The following PIWIL4 variants were observed in gnomAD, a reference collection of about 807,000 sequenced individuals.
PIWIL4 encodes piwi like RNA-mediated gene silencing 4, also known as piwi-like protein 4.
In PIWIL4, 50 loss-of-function variants were observed where a neutral mutation model predicts 100.9. That is an observed-to-expected ratio of 0.50 (90% CI 0.39 to 0.63). The LOEUF is 0.63. Ranked by LOEUF, PIWIL4 falls within the 20% of genes least tolerant of loss-of-function variation. The pLI, the probability that PIWIL4 is intolerant of heterozygous loss-of-function variation, is 0.00. For missense variants in PIWIL4, 887 were observed against 1,043.3 expected (o/e 0.85, Z 2.06); for synonymous variants, 342 against 367.5 (o/e 0.93, Z 0.79).
intron 11 of PIWIL4, among the ~76,000 whole-genome samples, chr11:94,600,155 GT>G (rs1397943763): frequency 3.9e-5 from 6 of 152,156 alleles, no homozygotes; most frequent in Admixed American, 6.5e-5. Context: ...CAGGAAACCT[GT>G]TTTTCCTGGT....
intron 11 of PIWIL4, among the ~76,000 whole-genome samples, chr11:94,598,262 G>T (rs1206050836): frequency 2.6e-5 from 4 of 152,208 alleles, no homozygotes; most frequent in Non-Finnish European, 5.9e-5. Context: ...AGTTCTAATA[G>T]ATTGTTTTCT....
rs189702743 is a variant in PIWIL4 at position 94,594,711 on chromosome 11, T to C, written c.1151-598T>C. ...CCACGCCTGGCTAGTTTTGTATTTTTAGTAGAGACGGGGTTTCTCCATGTT... is the reference window on the plus strand; with the variant it reads ...CCACGCCTGGCTAGTTTTGTATTTTCAGTAGAGACGGGGTTTCTCCATGTT... On this transcript the variant is annotated intron_variant, in intron 9 of 19. Transcript: ENST00000299001. Among the ~76,000 whole-genome samples, 46 of 152,120 alleles carry C rather than the reference T, an allele frequency of 3.0e-4. 1 individual carries two copies. The highest frequency in any genetic ancestry group is 2.4e-3 in the Admixed American group (37 of 15,288).
chr11:94,612,231 TA>T (rs1440470951), intron 15 of PIWIL4, among the ~76,000 whole-genome samples: 1 of 152,178 alleles, frequency 6.6e-6, no homozygotes, highest in African/African-American at 2.4e-5. Flanking sequence ...GCTCAACTAT[TA>T]GGTGCATACA....
In PIWIL4 at chr11:94,573,362, A is replaced by G. The variant is rs191267229; in HGVS notation, c.167-1637A>G. On this transcript the variant is annotated intron_variant, in intron 2 of 19. Coordinates refer to ENST00000299001, the MANE Select transcript of PIWIL4 (RefSeq NM_152431.3). Reference sequence around the variant, plus strand: ...TGGTGAGAGAGGGCATCCCTGTCTTATGCCAGTTTTCAAAGGGAATGCTTC... The same window carrying G: ...TGGTGAGAGAGGGCATCCCTGTCTTGTGCCAGTTTTCAAAGGGAATGCTTC... Among the ~76,000 whole-genome samples the G allele has an allele frequency of 3.5e-4, 53 of 152,236 alleles. No homozygotes were observed. In the East Asian group the frequency reaches 7.5e-3, roughly 22 times the overall value.
Position 94,577,391 on chromosome 11 carries a change from A to C in PIWIL4, c.412A>C (p.Arg138=). ...ATATATTCCAGATTTAGCATCTAGA[A>C]GGCTGAGAATTGCTTTACTTTATAG... The part of the protein sequence containing the change: ...VTYIPDLASR[R]LRIALLYSHS... The change falls in exon 4 of 20, where the codon AGG becomes CGG. Residue 138 remains arginine, a synonymous_variant. Transcript: ENST00000299001. 12 of 1,614,116 alleles carry C rather than the reference A, an allele frequency of 7.4e-6. No homozygotes were observed. The highest frequency in any genetic ancestry group is 1.0e-5 in the Non-Finnish European group (12 of 1,179,956).
chr11:94,598,309 T>C (rs1948584934), intron 11 of PIWIL4, among the ~76,000 whole-genome samples: 1 of 152,220 alleles, frequency 6.6e-6, no homozygotes, highest in Non-Finnish European at 1.5e-5. Context: ...AAGGCTGCAA[T>C]GAGCTTTTGC....
chr11:94,579,648 C>T (rs1387538896), intron 4 of PIWIL4, among the ~76,000 whole-genome samples: 2 of 152,134 alleles, frequency 1.3e-5, no homozygotes, highest in Non-Finnish European at 2.9e-5. Flanking sequence ...ACCCTGGGAT[C>T]TATAGGAGCT....
At chr11:94,617,868 C>T in intron 16 of PIWIL4, 86 bp from the exon 17 acceptor site, 1 of 1,443,814 alleles carries the variant, frequency 6.9e-7, no homozygotes, top group South Asian at 1.2e-5. Flanking sequence ...ATAGCAAACC[C>T]ATTTAAACAC....
intron 8 of PIWIL4, among the ~76,000 whole-genome samples, chr11:94,591,325 G>A (rs1438337048): frequency 6.6e-6 from 1 of 152,136 alleles, no homozygotes; most frequent in Non-Finnish European, 1.5e-5. Context: ...TTTACCCCTA[G>A]GTCAAATCCT....
intron 8 of PIWIL4, among the ~76,000 whole-genome samples, chr11:94,592,071 T>A (rs1347660140): frequency 6.6e-6 from 1 of 152,204 alleles, no homozygotes; most frequent in East Asian, 1.9e-4. Context: ...TCCACCTGCA[T>A]GGAGGCTTCC....
intron 11 of PIWIL4, 57 bp downstream of exon 11, chr11:94,597,972 T>C (rs1047511937): frequency 2.2e-6 from 3 of 1,367,108 alleles, no homozygotes; most frequent in Non-Finnish European, 3.1e-6. Context: ...TGTGTAAGTT[T>C]TGTGCATTGG....
At chr11:94,572,859 A>G (rs1352962025) in intron 2 of PIWIL4, among the ~76,000 whole-genome samples, 1 of 152,196 alleles carries the variant, frequency 6.6e-6, no homozygotes, top group Non-Finnish European at 1.5e-5. Context: ...GATGGCATTG[A>G]ATCTATAAAT....
intron 15 of PIWIL4, among the ~76,000 whole-genome samples, chr11:94,612,336 A>G (rs7942260): frequency 0.085 from 12,745 of 150,352 alleles, 568 homozygotes; most frequent in Middle Eastern, 0.13. Flanking sequence ...TTTTTTTACA[A>G]AAGTCTATTT....
chr11:94,607,737 T>A, intron 14 of PIWIL4, 98 bp downstream of exon 14: 1 of 1,296,548 alleles, frequency 7.7e-7, no homozygotes. Flanking sequence ...ATTATTTGGT[T>A]TGCTTGTTTC....
rs779374575 is a variant in PIWIL4, at chr11:94,607,647, C to A, written c.1839+8C>A. On this transcript the variant is annotated splice_region_variant and intron_variant, in intron 14 of 19. Transcript: ENST00000299001. ...TGGGCTGTGGAAATACCTGTAAGGA[C>A]CCTGTCACATTTTTTCTATTAGTAA... is the stretch of plus-strand genomic sequence containing the variant. The A allele has an allele frequency of 1.4e-5, 23 of 1,607,728 alleles. No homozygotes were observed. The highest frequency in any genetic ancestry group is 1.8e-5 in the Non-Finnish European group (21 of 1,177,580).
At chr11:94,577,720 A>G (rs1358448972) in intron 4 of PIWIL4, among the ~76,000 whole-genome samples, 2 of 152,186 alleles carry the variant, frequency 1.3e-5, no homozygotes, top group Non-Finnish European at 2.9e-5. Context: ...TCCCTAGAGA[A>G]CTAAGGGTCC....
intron 13 of PIWIL4, among the ~76,000 whole-genome samples, chr11:94,606,789 G>A (rs369649314): frequency 3.3e-5 from 5 of 150,862 alleles, no homozygotes; most frequent in East Asian, 3.9e-4. Context: ...AGCCAAGATC[G>A]TGCCACTGCA....
At chr11:94,616,795 G>A (rs1286730178) in intron 16 of PIWIL4, among the ~76,000 whole-genome samples, 1 of 152,192 alleles carries the variant, frequency 6.6e-6, no homozygotes, top group Non-Finnish European at 1.5e-5. Context: ...CCAGAAGGAA[G>A]GAAAATTTGT....
Position 94,577,416 on chromosome 11 carries a change from G to C in PIWIL4, c.437G>C (p.Ser146Thr). 1 of 1,614,036 alleles carries C rather than the reference G, an allele frequency of 6.2e-7. No individual in the cohort carries two copies. Among genetic ancestry groups the C allele is most frequent in the South Asian group, 1.1e-5 (1 of 91,074 alleles). Residue 146 changes from serine (S) to threonine (T), a missense_variant, in exon 4 of 20, where the codon AGT becomes ACT. Around this residue, in one of 2 missense-constraint regions of PIWIL4, gnomAD observed 741 missense variants for 930.0 expected, o/e 0.80. Coordinates refer to ENST00000299001, the MANE Select transcript of PIWIL4 (RefSeq NM_152431.3). ...AGGCTGAGAATTGCTTTACTTTATA[G>C]TCATAGTGAACTTTCCAACAAAGCA... ...SRRLRIALLY[S>T]HSELSNKAKA...
Sources: allele counts gnomAD v4.1 joint callset (sites outside exome capture counted in the v4.1 genomes callset), GRCh38; gene constraint gnomAD v4.1.1; regional missense constraint gnomAD v4.1.1; transcripts MANE v1.5; gene names NCBI Gene and HGNC (gene_info 2026-07-23, HGNC 2026-07-21).